Variants in CFAP44 observed in about 807,000 individuals in gnomAD.
The protein encoded by CFAP44 is cilia- and flagella-associated protein 44.
Under a neutral mutation model 216.2 loss-of-function variants are expected in CFAP44, and 134 were observed. The observed-to-expected ratio is 0.62, with a 90% CI of 0.54 to 0.72. The LOEUF (loss-of-function observed/expected upper bound fraction) is 0.72. Ranked by LOEUF, CFAP44 falls within the 30% of genes least tolerant of loss-of-function variation. The pLI, the probability that CFAP44 is intolerant of heterozygous loss-of-function variation, is 0.00. For synonymous variants in CFAP44, 700 were observed against 727.6 expected, an observed-to-expected ratio of 0.96 and a Z score of 0.61; for missense variants, 2,035 against 2,182.1, an observed-to-expected ratio of 0.93 and a Z score of 1.34.
intron 6 of CFAP44, among the ~76,000 whole-genome samples, chr3:113,412,403 CTTTT>C (rs1393351417): frequency 1.4e-5 from 2 of 142,788 alleles, no homozygotes; most frequent in Non-Finnish European, 3.0e-5. Flanking sequence ...AAATATATCT[CTTTT>C]ATTTCTTCTA....
intron 21 of CFAP44, chr3:113,362,899 C>CT: frequency 8.1e-7 from 1 of 1,233,442 alleles, no homozygotes; most frequent in South Asian, 3.3e-5. Flanking sequence ...CCATGTATTC[C>CT]TTTCATGTGT....
intron 1 of CFAP44, among the ~76,000 whole-genome samples, chr3:113,439,810 T>C (rs1057108815): frequency 6.6e-6 from 1 of 152,246 alleles, no homozygotes; most frequent in Non-Finnish European, 1.5e-5. Context: ...GTCCAGGTTC[T>C]GGTCCTCATG....
At chr3:113,424,180 G>A (rs1269799220) in intron 4 of CFAP44, among the ~76,000 whole-genome samples, 1 of 152,202 alleles carries the variant, frequency 6.6e-6, no homozygotes, top group Non-Finnish European at 1.5e-5. Flanking sequence ...GCTCACACCT[G>A]TAATCCCAGC....
intron 6 of CFAP44, among the ~76,000 whole-genome samples, chr3:113,414,764 G>A (rs1326454824): frequency 1.3e-5 from 2 of 152,172 alleles, no homozygotes; most frequent in Non-Finnish European, 2.9e-5. Flanking sequence ...TGGTTTGCCA[G>A]TATTTTATTG....
At chr3:113,337,802 T>C in intron 24 of CFAP44, among the ~76,000 whole-genome samples, 1 of 152,106 alleles carries the variant, frequency 6.6e-6, no homozygotes, top group Non-Finnish European at 1.5e-5. Context: ...TTAGCTTAAA[T>C]ATAAAATGAA....
rs142705009 is a variant in CFAP44 at position 113,368,819 on chromosome 3, C to T, written c.2445-2510G>A. On this transcript the variant is annotated intron_variant, in intron 18 of 34. Transcript: ENST00000393845. ...GCAAATTGGATAAAAAGTCATGACC[C>T]ATCAGTGTGCTGTATCCAGGAGACC... is the stretch of plus-strand genomic sequence containing the variant. Among the ~76,000 whole-genome samples the T allele has an allele frequency of 2.6e-4, 40 of 152,242 alleles. No homozygotes were observed. The East Asian group carries it at 7.3e-3, about 28-fold the overall frequency.
Position 113,401,570 on chromosome 3 carries a change from A to C in CFAP44, c.1326+14T>G, listed in dbSNP as rs1158136510. The C allele has an allele frequency of 1.2e-6, 2 of 1,611,776 alleles. No homozygotes were observed. The highest frequency in any genetic ancestry group is 3.4e-5 in the Admixed American group (2 of 59,526). On this transcript the variant is annotated intron_variant, in intron 10 of 34. Transcript: ENST00000393845. ...TGTAATGTTAAAGAGCCAAGAGACA[A>C]GAATGCAACACACCTGAGCCAACCA...
At chr3:113,339,542 T>A (rs139429031) in intron 24 of CFAP44, among the ~76,000 whole-genome samples, 195 of 152,236 alleles carry the variant, frequency 1.3e-3, no homozygotes, top group African/African-American at 4.4e-3. Flanking sequence ...CTGAGTACCT[T>A]GGGCCTGTTT....
chr3:113,422,826 A>G (rs769305647), intron 4 of CFAP44, among the ~76,000 whole-genome samples: 28 of 152,206 alleles, frequency 1.8e-4, no homozygotes, highest in Non-Finnish European at 3.1e-4. Context: ...TGGAGAAATT[A>G]TCATTTATCT....
intron 32 of CFAP44, among the ~76,000 whole-genome samples, chr3:113,301,091 C>T (rs1419870822): frequency 5.3e-5 from 8 of 151,960 alleles, no homozygotes; most frequent in African/African-American, 1.9e-4. Flanking sequence ...GAACATAAAG[C>T]AATTTAAATG....
intron 22 of CFAP44, among the ~76,000 whole-genome samples, chr3:113,354,220 T>C (rs1010745838): frequency 6.6e-6 from 1 of 152,306 alleles, no homozygotes; most frequent in South Asian, 2.1e-4. Flanking sequence ...CAGAGCATCA[T>C]GTGGAGACTC....
At chr3:113,349,693 G>A (rs958720309) in intron 22 of CFAP44, among the ~76,000 whole-genome samples, 1 of 152,202 alleles carries the variant, frequency 6.6e-6, no homozygotes, top group Non-Finnish European at 1.5e-5. Context: ...TCCAACAACA[G>A]TACTGAGGGC....
In CFAP44 at chr3:113,289,688, C is replaced by T. The variant is rs896802189; in HGVS notation, c.*1869G>A. On this transcript the variant is annotated 3_prime_UTR_variant, in exon 35 of 35. Coordinates refer to ENST00000393845, the MANE Select transcript of CFAP44 (RefSeq NM_001164496.2). ...CCCTCCCACATCACACAGGGTCAGCCTGTGACCCATATGACAATAGTGACG... is the reference window on the plus strand; with the variant it reads ...CCCTCCCACATCACACAGGGTCAGCTTGTGACCCATATGACAATAGTGACG... 6.6e-6 allele frequency: 1 copy of T among 152,264 alleles called. No individual in the cohort carries two copies. The highest frequency in any genetic ancestry group is 2.4e-5 in the African/African-American group (1 of 41,464). 9.4% of individuals were successfully genotyped at this position (152,264 alleles called of 1,614,324 possible). A position where few individuals can be genotyped will look rare whatever the true frequency, so the allele number is the denominator to read the frequency against.
intron 22 of CFAP44, among the ~76,000 whole-genome samples, chr3:113,349,638 G>A (rs1021372260): frequency 3.3e-5 from 5 of 152,150 alleles, no homozygotes; most frequent in African/African-American, 4.8e-5. Context: ...GTGCACTGCC[G>A]CAGAGGACAA....
intron 24 of CFAP44, among the ~76,000 whole-genome samples, chr3:113,334,201 C>T (rs1480177961): frequency 6.6e-6 from 1 of 152,178 alleles, no homozygotes; most frequent in Non-Finnish European, 1.5e-5. Context: ...CCGCCCACCT[C>T]AGCCTCCCAA....
chr3:113,376,834 C>T (rs1022455695), intron 17 of CFAP44, among the ~76,000 whole-genome samples: 1 of 152,090 alleles, frequency 6.6e-6, no homozygotes, highest in Non-Finnish European at 1.5e-5. Flanking sequence ...AGTACTAGAG[C>T]ATGTTTGTAT....
intron 28 of CFAP44, among the ~76,000 whole-genome samples, chr3:113,326,191 TA>T (rs771535185): frequency 2.0e-5 from 3 of 152,346 alleles, no homozygotes; most frequent in African/African-American, 4.8e-5. Flanking sequence ...CTTATTAACT[TA>T]AACTACACTA....
rs1030494483 is a variant in CFAP44, at chr3:113,433,606, T to C, written c.59A>G (p.Asp20Gly). 1.2e-6 allele frequency: 2 copies of C among 1,613,336 alleles called. No individual in the cohort carries two copies. The highest frequency in any genetic ancestry group is 1.7e-6 in the Non-Finnish European group (2 of 1,179,888). Residue 20 changes from aspartate to glycine, a missense_variant, in exon 2 of 35, where the codon GAT becomes GGT. By Grantham distance (94) the Asp-to-Gly change is moderately conservative. Around this residue, in one of 3 missense-constraint regions of CFAP44, gnomAD observed 149 missense variants for 141.8 expected, o/e 1.05. Coordinates refer to ENST00000393845, the MANE Select transcript of CFAP44 (RefSeq NM_001164496.2). ...AGAAGACCTCAGAGACTTCTTCCCATCACTCTTTGATGTAACTGATTTCTC... is the reference window on the plus strand; with the variant it reads ...AGAAGACCTCAGAGACTTCTTCCCACCACTCTTTGATGTAACTGATTTCTC... Reference protein sequence around the residue: ...DGEKSVTSKSDGKKSLRSSKS... With the variant: ...DGEKSVTSKSGGKKSLRSSKS...
chr3:113,434,316 C>G (rs1443003563), intron 1 of CFAP44, among the ~76,000 whole-genome samples: 2 of 151,974 alleles, frequency 1.3e-5, no homozygotes, highest in South Asian at 4.1e-4. Context: ...AGGAGTTGGC[C>G]AGGCAAAGAA....
Sources: gnomAD v4.1 joint callset for allele counts (sites outside exome capture counted in the v4.1 genomes callset) on GRCh38, gnomAD v4.1.1 for gene constraint, gnomAD v4.1.1 regional missense constraint, MANE v1.5 for transcripts, NCBI Gene and HGNC (gene_info 2026-07-23, HGNC 2026-07-21) for gene names.